The following BRDT variants were observed in gnomAD, a reference collection of about 807,000 sequenced individuals.
The protein encoded by BRDT is bromodomain testis-specific protein.
Under a neutral mutation model 113.9 loss-of-function variants are expected in BRDT, and 77 were observed. That is an observed-to-expected ratio of 0.68 (90% CI 0.56 to 0.82). The LOEUF (loss-of-function observed/expected upper bound fraction) is 0.82, where lower values mean the gene tolerates loss of function less well. Among genes scored for constraint, BRDT ranks in the 40% least tolerant of loss-of-function variants. The pLI is 0.00. For synonymous variants in BRDT, 358 were observed against 366.5 expected (o/e 0.98, Z 0.26); for missense variants, 1,027 against 1,105.4 (o/e 0.93, Z 1.01).
chr1:92,012,175 G>A (rs1246371849), intron 18 of BRDT, among the ~76,000 whole-genome samples: 1 of 151,988 alleles, frequency 6.6e-6, no homozygotes, highest in African/African-American at 2.4e-5. Flanking sequence ...TGGCGCACCT[G>A]TAATCCCAGC....
At chr1:91,998,204 C>T (rs1439457570) in intron 15 of BRDT, among the ~76,000 whole-genome samples, 2 of 152,008 alleles carry the variant, frequency 1.3e-5, no homozygotes, top group Non-Finnish European at 2.9e-5. Context: ...ATGTCCTTTG[C>T]AGGGACATGG....
rs117321533 is a variant in BRDT, at chr1:91,996,971, A to C, written c.2287+2717A>C. Reference sequence around the variant, plus strand: ...AGAATAAATGAAAACACCCAGGAAAATCTGCAGAGCAGGAAGAGAAAAGCT... The same window carrying C: ...AGAATAAATGAAAACACCCAGGAAACTCTGCAGAGCAGGAAGAGAAAAGCT... On this transcript the variant is annotated intron_variant, in intron 15 of 18. Transcript: ENST00000399546. Among the ~76,000 whole-genome samples, 72 of 152,324 alleles carry C rather than the reference A, an allele frequency of 4.7e-4. 2 individuals carry two copies. In the East Asian group the frequency reaches 0.014, roughly 29 times the overall value.
intron 1 of BRDT, among the ~76,000 whole-genome samples, chr1:91,953,173 T>G (rs116016080): frequency 0.018 from 2,770 of 150,702 alleles, 43 homozygotes; most frequent in Non-Finnish European, 0.029. Flanking sequence ...GATCTAAGTT[T>G]GCAGAAACTA....
At chr1:91,991,820 G>A (rs923063333) in intron 13 of BRDT, among the ~76,000 whole-genome samples, 69 of 145,114 alleles carry the variant, frequency 4.8e-4, no homozygotes, top group Admixed American at 2.0e-3. Flanking sequence ...GTGAAACCCC[G>A]TCTCTACTAA....
chr1:91,964,765 G>C lies in BRDT; in HGVS notation c.330+1G>C. On this transcript the variant is annotated splice_donor_variant, in intron 3 of 18. Transcript: ENST00000399546. LOFTEE classifies it high-confidence loss of function. The stretch of plus-strand genomic sequence containing the variant: ...CTCAAATTGTTATTTATATAACAAG[G>C]TATGTAAGCCTTATGTTATACTTGC... The C allele has an allele frequency of 6.8e-7, 1 of 1,465,116 alleles. No individual in the cohort carries two copies. The highest frequency in any genetic ancestry group is 1.5e-5 in the South Asian group (1 of 67,944). 90.8% of individuals were successfully genotyped at this position (1,465,116 alleles called of 1,614,324 possible). A position where few individuals can be genotyped will look rare whatever the true frequency, so the allele number is the denominator to read the frequency against.
chr1:92,005,082 T>G, intron 17 of BRDT, 37 bp from the exon 18 acceptor site: 1 of 1,402,728 alleles, frequency 7.1e-7, no homozygotes, highest in Non-Finnish European at 9.4e-7. Flanking sequence ...TTTAAGGAAC[T>G]TGAAACCTAC....
chr1:91,975,293 T>A (rs7554524), intron 4 of BRDT, among the ~76,000 whole-genome samples: 119,630 of 151,590 alleles, frequency 0.79, 47,852 homozygotes, highest in Non-Finnish European at 0.85. Flanking sequence ...AAAAAAATTT[T>A]AAAAAAAAAG....
chr1:91,981,740 A>G lies in BRDT; in HGVS notation c.1987A>G (p.Ser663Gly), dbSNP rs1282297998. The change falls in exon 12 of 19, where the codon AGT becomes GGT. Residue 663 changes from serine (S) to glycine (G), a missense_variant. Ser to Gly is a moderately conservative substitution (Grantham distance 56, BLOSUM62 0). Coordinates refer to ENST00000399546, the MANE Select transcript of BRDT (RefSeq NM_207189.4). ...CAGTGACTTAAGCTCTTCAGACAGC[A>G]GTGATTCTGAATCAGGTTAGCTGTC... ...SSSDLSSSDS[S>G]DSESEMFPKF... 1.2e-6 allele frequency: 2 copies of G among 1,613,800 alleles called. No homozygotes were observed. Among genetic ancestry groups the G allele is most frequent in the Non-Finnish European group, 1.7e-6 (2 of 1,179,844 alleles).
chr1:92,000,894 C>T (rs1386459449), intron 15 of BRDT, among the ~76,000 whole-genome samples: 3 of 152,160 alleles, frequency 2.0e-5, no homozygotes. Flanking sequence ...TTGATAAGGG[C>T]TCACACTCTG....
chr1:91,956,985 G>A (rs895679257), intron 1 of BRDT, among the ~76,000 whole-genome samples: 2 of 151,998 alleles, frequency 1.3e-5, no homozygotes, highest in Non-Finnish European at 2.9e-5. Context: ...ACATTCAATT[G>A]TTCACATTTT....
intron 15 of BRDT, among the ~76,000 whole-genome samples, chr1:91,999,686 G>GA (rs1252335440): frequency 6.6e-6 from 1 of 152,142 alleles, no homozygotes; most frequent in Non-Finnish European, 1.5e-5. Flanking sequence ...TCATGACATG[G>GA]AAAAGGTTGG....
chr1:91,994,219 A>G lies in BRDT; in HGVS notation c.2252A>G (p.Lys751Arg), dbSNP rs372326837. Residue 751 changes from lysine (K) to arginine (R), a missense_variant, in exon 15 of 19, where the codon AAA (lysine) becomes AGA (arginine). Lys to Arg is a conservative substitution (Grantham distance 26). Transcript: ENST00000399546. ...YQELEHLQTVKNISPLQILPP... is the reference protein window; with the variant it reads ...YQELEHLQTVRNISPLQILPP... The stretch of plus-strand genomic sequence containing the variant: ...GAATTAGAACATTTACAGACTGTGA[A>G]AAACATTTCACCTTTACAAATTCTG... The G allele has an allele frequency of 5.2e-5, 83 of 1,611,470 alleles. No homozygotes were observed. Among genetic ancestry groups the G allele is most frequent in the Middle Eastern group, 5.0e-4 (3 of 6,052 alleles).
At chr1:92,007,926 T>C (rs1000134093) in intron 18 of BRDT, among the ~76,000 whole-genome samples, 5 of 152,174 alleles carry the variant, frequency 3.3e-5, no homozygotes, top group African/African-American at 7.2e-5. Flanking sequence ...CATTCATTCG[T>C]TTATTTTTGA....
intron 13 of BRDT, 146 bp from the exon 14 acceptor site, chr1:91,992,118 A>T (rs1685842127): frequency 4.8e-6 from 2 of 416,620 alleles, no homozygotes; most frequent in Non-Finnish European, 8.4e-6. Context: ...ACATACAATT[A>T]TTTATGTAAC....
intron 7 of BRDT, 43 bp downstream of exon 7, chr1:91,978,339 A>G (rs1161595197): frequency 3.1e-6 from 5 of 1,599,504 alleles, no homozygotes; most frequent in Non-Finnish European, 4.3e-6. Context: ...TCCTCTGAAC[A>G]TAGTTGAAAC....
chr1:91,957,672 T>G (rs1681937321), intron 1 of BRDT: 1 of 152,138 alleles, frequency 6.6e-6, no homozygotes, highest in African/African-American at 2.4e-5. Context: ...AGTTTCTGTT[T>G]TGGTGTACAT....
At position 91,977,216 on chromosome 1, in the gene BRDT, G is replaced by A. The variant is rs1557829016; in HGVS notation, c.792G>A (p.Val264=). 13 of 1,613,868 alleles carry A rather than the reference G, an allele frequency of 8.1e-6. No individual in the cohort carries two copies. Among genetic ancestry groups the A allele is most frequent in the Non-Finnish European group, 1.0e-5 (12 of 1,179,968 alleles). ...LPDSQQQYNV[V]KTVKVTEQLR... is the part of the protein sequence containing the mutation. The stretch of plus-strand genomic sequence containing the variant: ...ATTCTCAGCAACAATATAATGTTGT[G>A]AAGACTGTTAAAGTAACTGAACAAT... Residue 264 remains valine, a synonymous_variant, in exon 6 of 19, where the codon GTG becomes GTA. Coordinates refer to ENST00000399546, the MANE Select transcript of BRDT (RefSeq NM_207189.4).
At chr1:91,997,100 A>C (rs1032887943) in intron 15 of BRDT, among the ~76,000 whole-genome samples, 14 of 151,090 alleles carry the variant, frequency 9.3e-5, no homozygotes, top group African/African-American at 3.4e-4. Flanking sequence ...ATAGTGTAAT[A>C]AAAGCCCAGG....
chr1:92,002,068 A>C lies in BRDT; in HGVS notation c.2307A>C (p.Ser769=). 1.2e-6 allele frequency: 2 copies of C among 1,613,280 alleles called. No homozygotes were observed. Among genetic ancestry groups the C allele is most frequent in the Non-Finnish European group, 1.7e-6 (2 of 1,179,380 alleles). The change falls in exon 16 of 19, where the codon TCA becomes TCC. Residue 769 remains serine (S), a synonymous_variant. Coordinates refer to ENST00000399546, the MANE Select transcript of BRDT (RefSeq NM_207189.4). Reference sequence around the variant, plus strand: ...ATCCAGGTGATTCTGAACAGCTCTCAAATGGCATAACTGTGATGCATCCAT... The same window carrying C: ...ATCCAGGTGATTCTGAACAGCTCTCCAATGGCATAACTGTGATGCATCCAT... ...LPPSGDSEQL[S]NGITVMHPSG... is the part of the protein sequence containing the mutation.
Sources: allele counts gnomAD v4.1 joint callset (sites outside exome capture counted in the v4.1 genomes callset), GRCh38; gene constraint gnomAD v4.1.1; transcripts MANE v1.5; gene names NCBI Gene and HGNC (gene_info 2026-07-23, HGNC 2026-07-21).